Variants in AGBL3 observed in about 807,000 individuals in gnomAD.
AGBL3 encodes the protein AGBL carboxypeptidase 3.
AGBL3 carries 68 observed loss-of-function variants against 94.5 expected under a neutral mutation model. The observed-to-expected ratio is 0.72, with a 90% CI of 0.59 to 0.88. The LOEUF (loss-of-function observed/expected upper bound fraction) is 0.88, where lower values mean the gene tolerates loss of function less well. AGBL3 is among the 40% of genes least tolerant of loss of function. The probability of loss-of-function intolerance (pLI) is 0.00; values close to 1 mark genes in which losing one functional copy is unlikely to be tolerated. For synonymous variants in AGBL3, 354 were observed against 370.7 expected, an observed-to-expected ratio of 0.95 and a Z score of 0.52; for missense variants, 934 against 1,103.8, an observed-to-expected ratio of 0.85 and a Z score of 2.18.
chr7:135,024,200 G>C (rs1400794545), intron 5 of AGBL3, among the ~76,000 whole-genome samples: 1 of 152,164 alleles, frequency 6.6e-6, no homozygotes, highest in Non-Finnish European at 1.5e-5. Flanking sequence ...AGTGATTGGA[G>C]GGGACTCCTA....
intron 12 of AGBL3, among the ~76,000 whole-genome samples, chr7:135,073,233 C>T (rs1223317233): frequency 1.3e-5 from 2 of 151,800 alleles, no homozygotes; most frequent in Non-Finnish European, 1.5e-5. Context: ...TATGGGAGGC[C>T]GATGCAGGTG....
chr7:135,115,437 A>C lies in AGBL3; in HGVS notation c.2168A>C (p.Lys723Thr). ...IKECISFQSKKTGINWTDDEK... is the reference protein window; with the variant it reads ...IKECISFQSKTTGINWTDDEK... ...GAATGCATATCTTTCCAAAGCAAGAAGACTGGCATAAATTGGACAGATGAT... is the reference window on the plus strand; with the variant it reads ...GAATGCATATCTTTCCAAAGCAAGACGACTGGCATAAATTGGACAGATGAT... Residue 723 changes from lysine to threonine, a missense_variant, in exon 16 of 17, where the codon AAG (lysine) becomes ACG (threonine). This residue lies in a region of AGBL3 where 441 missense variants were observed against 518.2 expected (regional missense o/e 0.85). Coordinates refer to ENST00000436302, the MANE Select transcript of AGBL3 (RefSeq NM_178563.4). 6.4e-7 allele frequency: 1 copy of C among 1,551,454 alleles called. No individual in the cohort carries two copies. The highest frequency in any genetic ancestry group is 2.4e-5 in the East Asian group (1 of 40,880).
In AGBL3 at chr7:135,067,958, G is replaced by A. The variant is rs192012130; in HGVS notation, c.1909-8439G>A. ...TACTCCAAGCTAAAGGAGGAAGTTC[G>A]AACCCATGGCAAAGAAGTTAAAAAC... On this transcript the variant is annotated intron_variant, in intron 12 of 16. Coordinates refer to ENST00000436302, the MANE Select transcript of AGBL3 (RefSeq NM_178563.4). Among the ~76,000 whole-genome samples the A allele has an allele frequency of 7.1e-3, 1,077 of 152,216 alleles. 15 individuals carry two copies. The highest frequency in any genetic ancestry group is 0.025 in the African/African-American group (1,024 of 41,532).
chr7:135,133,817 T>C (rs1173807227), intron 16 of AGBL3, among the ~76,000 whole-genome samples: 1 of 152,090 alleles, frequency 6.6e-6, no homozygotes, highest in Non-Finnish European at 1.5e-5. Flanking sequence ...AAACTGGAAA[T>C]AATCTATATG....
Position 134,987,927 on chromosome 7 carries a change from G to A in AGBL3, c.-7G>A. ...TACAAGAAATCTCAAGTCAAACACT[G>A]GAAAAGATGTCAGAAGATTCAGAAA... On this transcript the variant is annotated 5_prime_UTR_variant, in exon 2 of 17. Transcript: ENST00000436302. 6.5e-7 allele frequency: 1 copy of A among 1,545,896 alleles called. No individual in the cohort carries two copies. The highest frequency in any genetic ancestry group is 8.7e-7 in the Non-Finnish European group (1 of 1,144,398).
intron 4 of AGBL3, among the ~76,000 whole-genome samples, chr7:134,994,769 A>G (rs1004771597): frequency 1.3e-5 from 2 of 152,254 alleles, no homozygotes; most frequent in African/African-American, 2.4e-5. Flanking sequence ...TTTTGTTCAT[A>G]GAGGACAAAG....
At chr7:135,080,384 CAT>C (rs1408773382) in intron 14 of AGBL3, 124 bp downstream of exon 14, 6 of 704,006 alleles carry the variant, frequency 8.5e-6, no homozygotes, top group Non-Finnish European at 1.5e-5. Flanking sequence ...TATATGATAC[CAT>C]TTCTTCCCTG....
At chr7:135,055,266 C>G (rs1407114230) in intron 11 of AGBL3, among the ~76,000 whole-genome samples, 2 of 152,124 alleles carry the variant, frequency 1.3e-5, no homozygotes, top group African/African-American at 4.8e-5. Context: ...AAGTGCTGAA[C>G]CATATTATAG....
chr7:135,128,853 A>G, intron 16 of AGBL3: 1 of 1,233,802 alleles, frequency 8.1e-7, no homozygotes, highest in Non-Finnish European at 1.2e-6. Flanking sequence ...ATCATTGTTA[A>G]ATATGATCCA....
intron 16 of AGBL3, among the ~76,000 whole-genome samples, chr7:135,128,131 A>C (rs1828152064): frequency 6.6e-6 from 1 of 151,790 alleles, no homozygotes; most frequent in Non-Finnish European, 1.5e-5. Context: ...GTCTCTACTA[A>C]AAATACAAAA....
intron 5 of AGBL3, among the ~76,000 whole-genome samples, chr7:135,022,674 A>C (rs545236935): frequency 6.6e-6 from 1 of 152,060 alleles, no homozygotes; most frequent in Admixed American, 6.5e-5. Flanking sequence ...ATTAGATCCC[A>C]TTTCTCAATT....
At chr7:135,026,248 T>TTTTATTCTATTTTATTTTATTTTA (rs1815098176) in intron 5 of AGBL3, among the ~76,000 whole-genome samples, 2 of 113,722 alleles carry the variant, frequency 1.8e-5, no homozygotes. Flanking sequence ...AATACCATTA[T>TTTTATTCTATTTTATTTTATTTTA]TTTATTTTAT....
chr7:135,015,572 G>C (rs1035167348), intron 4 of AGBL3, among the ~76,000 whole-genome samples: 2 of 126,208 alleles, frequency 1.6e-5, no homozygotes, highest in African/African-American at 2.8e-5. Flanking sequence ...CAAACTTGTC[G>C]CTTATATACA....
intron 4 of AGBL3, among the ~76,000 whole-genome samples, chr7:134,997,602 CTGTG>C (rs1563166757): frequency 6.6e-6 from 1 of 152,182 alleles, no homozygotes; most frequent in African/African-American, 2.4e-5. Flanking sequence ...AAAATTGATA[CTGTG>C]TGTCCAAGGC....
At chr7:135,122,781 G>A (rs73442130) in intron 16 of AGBL3, among the ~76,000 whole-genome samples, 1 of 152,236 alleles carries the variant, frequency 6.6e-6, no homozygotes, top group African/African-American at 2.4e-5. Context: ...CCAGCAAACA[G>A]CAGCAGCCCT....
chr7:135,100,298 T>TG (rs1447885360), intron 15 of AGBL3, among the ~76,000 whole-genome samples: 1 of 151,934 alleles, frequency 6.6e-6, no homozygotes, highest in Admixed American at 6.6e-5. Context: ...GCACTGGTCA[T>TG]GGGGGGATAA....
intron 16 of AGBL3, among the ~76,000 whole-genome samples, chr7:135,123,439 G>T (rs182512962): frequency 6.6e-6 from 1 of 152,086 alleles, no homozygotes; most frequent in Non-Finnish European, 1.5e-5. Context: ...TGAGGGAGAC[G>T]GAGAATGGAA....
At chr7:135,102,054 G>A (rs1343126926) in intron 15 of AGBL3, among the ~76,000 whole-genome samples, 5 of 152,196 alleles carry the variant, frequency 3.3e-5, no homozygotes, top group Non-Finnish European at 5.9e-5. Flanking sequence ...TAGCCACATA[G>A]AATCGTGATT....
intron 15 of AGBL3, among the ~76,000 whole-genome samples, chr7:135,084,289 G>A (rs1320472346): frequency 2.6e-5 from 4 of 152,048 alleles, no homozygotes; most frequent in African/African-American, 9.7e-5. Context: ...AATGTATAAT[G>A]ATCAAATTGA....
Sources: allele counts gnomAD v4.1 joint callset (sites outside exome capture counted in the v4.1 genomes callset), GRCh38; gene constraint gnomAD v4.1.1; regional missense constraint gnomAD v4.1.1; transcripts MANE v1.5; gene names NCBI Gene and HGNC (gene_info 2026-07-23, HGNC 2026-07-21).